The following CLNK variants were observed in gnomAD, a reference collection of about 807,000 sequenced individuals.
CLNK encodes the protein cytokine-dependent hematopoietic cell linker.
Under a neutral mutation model 68.6 loss-of-function variants are expected in CLNK, and 74 were observed. The ratio of observed to expected loss-of-function variants is 1.08; its 90% CI spans 0.89 to 1.31. The LOEUF is 1.31. Among genes scored for constraint, CLNK ranks in the 50% most tolerant of loss-of-function variants. CLNK has a pLI of 0.00. For missense variants in CLNK, 553 were observed against 515.3 expected, an observed-to-expected ratio of 1.07 and a Z score of -0.71; for synonymous variants, 198 against 172.2, an observed-to-expected ratio of 1.15 and a Z score of -1.17.
At chr4:10,573,273 AAC>A (rs1354028764) in intron 4 of CLNK, among the ~76,000 whole-genome samples, 1 of 152,230 alleles carries the variant, frequency 6.6e-6, no homozygotes, top group Non-Finnish European at 1.5e-5. Context: ...GCTCAGTGGA[AAC>A]ACAGTTCTCT....
intron 2 of CLNK, among the ~76,000 whole-genome samples, chr4:10,633,869 G>A (rs1722982917): frequency 6.6e-6 from 1 of 152,144 alleles, no homozygotes; most frequent in Non-Finnish European, 1.5e-5. Flanking sequence ...TGGTTGTACT[G>A]GAAAAGGCTA....
chr4:10,669,662 T>C (rs1210960257), intron 1 of CLNK, among the ~76,000 whole-genome samples: 4 of 152,178 alleles, frequency 2.6e-5, no homozygotes, highest in Non-Finnish European at 4.4e-5. Context: ...AACTGTGTGA[T>C]CTTCAACCCA....
chr4:10,490,391 G>A lies in CLNK; in HGVS notation c.*76C>T. 6.7e-7 allele frequency: 1 copy of A among 1,501,764 alleles called. No individual in the cohort carries two copies. The highest frequency in any genetic ancestry group is 9.0e-7 in the Non-Finnish European group (1 of 1,114,962). 93.0% of individuals were successfully genotyped at this position (1,501,764 alleles called of 1,614,324 possible). A position where few individuals can be genotyped will look rare whatever the true frequency, so the allele number is the denominator to read the frequency against. ...AAAAAAGTTGTCCCTTGAAGGCACA[G>A]AAAATAAACTTTTGAAATCAATGAA... On this transcript the variant is annotated 3_prime_UTR_variant, in exon 19 of 19. Coordinates refer to ENST00000226951, the MANE Select transcript of CLNK (RefSeq NM_052964.4).
At chr4:10,678,934 C>T (rs879087828) in intron 1 of CLNK, among the ~76,000 whole-genome samples, 2 of 152,156 alleles carry the variant, frequency 1.3e-5, no homozygotes, top group Admixed American at 1.3e-4. Flanking sequence ...AATGGCCATA[C>T]TGCCCAAGGT....
chr4:10,545,154 C>T (rs12502484), intron 8 of CLNK, among the ~76,000 whole-genome samples: 99,777 of 152,006 alleles, frequency 0.66, 33,680 homozygotes, highest in Non-Finnish European at 0.76. Context: ...ATATTCATTC[C>T]TCCTTGTAGC....
At chr4:10,539,210 G>A (rs1443189295) in intron 11 of CLNK, among the ~76,000 whole-genome samples, 1 of 152,190 alleles carries the variant, frequency 6.6e-6, no homozygotes, top group Non-Finnish European at 1.5e-5. Context: ...GTTGAAAGGG[G>A]GACAGAAAAG....
chr4:10,665,862 C>T (rs985134833), intron 2 of CLNK, among the ~76,000 whole-genome samples: 1 of 152,080 alleles, frequency 6.6e-6, no homozygotes. Context: ...TATCCACATC[C>T]AAATCTCCAT....
At chr4:10,693,449 G>T in the CLNK span, among the ~76,000 whole-genome samples, 8 of 152,198 alleles carry the variant, frequency 5.3e-5, no homozygotes, top group Admixed American at 6.5e-5. Context: ...AGACAGCCAT[G>T]GGAAGACAGA....
chr4:10,700,325 C>T, the CLNK span, among the ~76,000 whole-genome samples: 1 of 152,174 alleles, frequency 6.6e-6, no homozygotes, highest in Admixed American at 6.5e-5. Flanking sequence ...GTGGTTACAA[C>T]AATAGCTAGC....
At chr4:10,679,131 G>C (rs1340102086) in intron 1 of CLNK, among the ~76,000 whole-genome samples, 1 of 152,156 alleles carries the variant, frequency 6.6e-6, no homozygotes, top group Non-Finnish European at 1.5e-5. Context: ...CAAGGCTGCA[G>C]CAACCAAAAC....
chr4:10,610,440 C>G (rs572054004), intron 2 of CLNK, among the ~76,000 whole-genome samples: 18 of 151,640 alleles, frequency 1.2e-4, no homozygotes, highest in African/African-American at 3.9e-4. Context: ...AATCCTGAAT[C>G]TTTGATGCCC....
chr4:10,665,403 C>T (rs535584171), intron 2 of CLNK, among the ~76,000 whole-genome samples: 6 of 152,102 alleles, frequency 3.9e-5, no homozygotes, highest in Admixed American at 3.3e-4. Context: ...CGGTGGCTCA[C>T]GCCTGTAATT....
At chr4:10,613,393 A>G (rs1176399916) in intron 2 of CLNK, among the ~76,000 whole-genome samples, 2 of 152,186 alleles carry the variant, frequency 1.3e-5, no homozygotes, top group African/African-American at 4.8e-5. Flanking sequence ...GTGGCTAAGT[A>G]GTTGAATCAA....
At chr4:10,499,309 C>T (rs951099299) in intron 18 of CLNK, among the ~76,000 whole-genome samples, 5 of 152,162 alleles carry the variant, frequency 3.3e-5, no homozygotes, top group East Asian at 1.9e-4. Flanking sequence ...GCTCTCATTG[C>T]GACTGTCCAA....
the CLNK span, among the ~76,000 whole-genome samples, chr4:10,712,369 T>C: frequency 2.0e-5 from 3 of 152,068 alleles, no homozygotes; most frequent in East Asian, 3.8e-4. Flanking sequence ...ACAATAACAA[T>C]GAGAAAGATC....
chr4:10,541,381 G>C (rs1048667931), intron 10 of CLNK, among the ~76,000 whole-genome samples: 5 of 151,932 alleles, frequency 3.3e-5, no homozygotes, highest in African/African-American at 4.8e-5. Context: ...TACAGTTTTT[G>C]GTTCAAGCTG....
chr4:10,517,022 G>A (rs1192585370), intron 15 of CLNK, among the ~76,000 whole-genome samples: 1 of 151,982 alleles, frequency 6.6e-6, no homozygotes, highest in Non-Finnish European at 1.5e-5. Flanking sequence ...TAAAACTAGA[G>A]CCATTCCTAG....
chr4:10,630,256 T>C (rs976694783), intron 2 of CLNK, among the ~76,000 whole-genome samples: 23 of 152,206 alleles, frequency 1.5e-4, no homozygotes, highest in African/African-American at 5.5e-4. Context: ...TGCCTTTCTA[T>C]AGTACATGAT....
At chr4:10,532,987 G>A (rs1033868485) in intron 11 of CLNK, among the ~76,000 whole-genome samples, 3 of 152,224 alleles carry the variant, frequency 2.0e-5, no homozygotes, top group Non-Finnish European at 4.4e-5. Flanking sequence ...GCCTGGTGCA[G>A]TGGCTCATGC....
Sources: gnomAD v4.1 joint callset for allele counts (sites outside exome capture counted in the v4.1 genomes callset) on GRCh38, gnomAD v4.1.1 for gene constraint, MANE v1.5 for transcripts, NCBI Gene and HGNC (gene_info 2026-07-23, HGNC 2026-07-21) for gene names.